DLC1: variants seen among roughly 807,000 people sequenced by gnomAD.
DLC1 encodes DLC1 Rho GTPase activating protein.
A neutral mutation model predicts 140.3 loss-of-function variants in DLC1; 54 were observed. The ratio of observed to expected loss-of-function variants is 0.38; its 90% CI spans 0.31 to 0.48. The LOEUF (loss-of-function observed/expected upper bound fraction) is 0.48, where lower values mean the gene tolerates loss of function less well. DLC1 is among the 20% of genes least tolerant of loss of function. The probability of loss-of-function intolerance (pLI) is 0.96; values close to 1 mark genes in which losing one functional copy is unlikely to be tolerated. For synonymous variants in DLC1, 986 were observed against 728.1 expected (o/e 1.35, Z -5.70); for missense variants, 2,536 against 1,907.0 (o/e 1.33, Z -6.14).
intron 5 of DLC1, among the ~76,000 whole-genome samples, chr8:13,202,199 C>T (rs1827427295): frequency 6.6e-6 from 1 of 152,080 alleles, no homozygotes; most frequent in African/African-American, 2.4e-5. Context: ...CGGCCTCGGC[C>T]TCCTAAAGTG....
chr8:13,579,761 AC>A (rs1563454525), intron 1 of DLC1, among the ~76,000 whole-genome samples: 1 of 151,116 alleles, frequency 6.6e-6, no homozygotes, highest in Non-Finnish European at 1.5e-5. Flanking sequence ...AGCAGCAAAA[AC>A]ATTTTGTAGT....
At chr8:13,584,466 T>C (rs1805232277) in intron 1 of DLC1, 1 of 152,288 alleles carries the variant, frequency 6.6e-6, no homozygotes, top group African/African-American at 2.4e-5. Flanking sequence ...GAAAAAGTTA[T>C]ACTGACCACA....
At chr8:13,214,544 GC>G in intron 5 of DLC1, 1 of 693,458 alleles carries the variant, frequency 1.4e-6, no homozygotes, top group Non-Finnish European at 2.6e-6. Flanking sequence ...CTGTCCCCCG[GC>G]CCCAACCCCA....
At chr8:13,420,851 C>A (rs547940586) in intron 2 of DLC1, among the ~76,000 whole-genome samples, 1 of 152,184 alleles carries the variant, frequency 6.6e-6, no homozygotes, top group East Asian at 1.9e-4. Flanking sequence ...TACAGACTAA[C>A]CTGCTTAATT....
chr8:13,588,886 T>C (rs1805422322), intron 1 of DLC1, among the ~76,000 whole-genome samples: 1 of 152,032 alleles, frequency 6.6e-6, no homozygotes, highest in Non-Finnish European at 1.5e-5. Flanking sequence ...AGTTTTGGGA[T>C]AAGTGAGGAG....
At chr8:13,595,411 A>G (rs1425407533) in intron 1 of DLC1, among the ~76,000 whole-genome samples, 2 of 152,086 alleles carry the variant, frequency 1.3e-5, no homozygotes, top group African/African-American at 2.4e-5. Flanking sequence ...CAGAAATTGT[A>G]TATCTTTTAG....
At chr8:13,594,973 T>C (rs553473168) in intron 1 of DLC1, among the ~76,000 whole-genome samples, 2 of 152,094 alleles carry the variant, frequency 1.3e-5, no homozygotes, top group Non-Finnish European at 2.9e-5. Context: ...TCCTATTTTC[T>C]TGTGAATTTC....
rs1468611512 is a variant in DLC1, at chr8:13,133,320, C to T, written c.1349-17663G>A. 5.0e-6 allele frequency: 6 copies of T among 1,189,708 alleles called. No individual in the cohort carries two copies. In the East Asian group the frequency reaches 2.8e-4, roughly 55 times the overall value. The allele number at this position is 1,189,708 out of a possible 1,614,324, so 73.7% of individuals were successfully genotyped here. A position where few individuals can be genotyped will look rare whatever the true frequency, so the allele number is the denominator to read the frequency against. The stretch of plus-strand genomic sequence containing the variant: ...CCGCGCGCTCCGCCAGCCGGGCCCT[C>T]CCGCTGGGCCCACCCCCCGAGGGGC... On this transcript the variant is annotated intron_variant, in intron 5 of 17. Transcript: ENST00000276297.
chr8:13,534,498 G>A (rs1435288096), intron 1 of DLC1, among the ~76,000 whole-genome samples: 1 of 152,184 alleles, frequency 6.6e-6, no homozygotes, highest in East Asian at 1.9e-4. Flanking sequence ...AGCGTGGTGT[G>A]TGTGTCCTGC....
chr8:13,308,717 A>G (rs929755765), intron 4 of DLC1, among the ~76,000 whole-genome samples: 16 of 152,208 alleles, frequency 1.1e-4, no homozygotes, highest in African/African-American at 3.9e-4. Context: ...CTGAACACGA[A>G]TGATTAGTCA....
chr8:13,477,614 C>G (rs552978216), intron 2 of DLC1, among the ~76,000 whole-genome samples: 1 of 152,148 alleles, frequency 6.6e-6, no homozygotes, highest in Non-Finnish European at 1.5e-5. Context: ...AAGATTAAAT[C>G]TGATTAGACT....
At chr8:13,264,860 A>G (rs1830618870) in intron 5 of DLC1, among the ~76,000 whole-genome samples, 2 of 152,248 alleles carry the variant, frequency 1.3e-5, no homozygotes, top group Non-Finnish European at 2.9e-5. Flanking sequence ...GAAAACAGCA[A>G]CTTAAGCCAC....
chr8:13,324,485 G>A (rs1412560463), intron 4 of DLC1, among the ~76,000 whole-genome samples: 3 of 143,954 alleles, frequency 2.1e-5, no homozygotes, highest in South Asian at 4.4e-4. Flanking sequence ...GGAGAATGGC[G>A]TGAACCTGGG....
chr8:13,306,642 A>G (rs1208555747), intron 4 of DLC1, among the ~76,000 whole-genome samples: 1 of 151,958 alleles, frequency 6.6e-6, no homozygotes, highest in Non-Finnish European at 1.5e-5. Context: ...CCAAGAAAAG[A>G]GCATCAATCT....
At chr8:13,429,097 T>C (rs1200269010) in intron 2 of DLC1, among the ~76,000 whole-genome samples, 1 of 152,170 alleles carries the variant, frequency 6.6e-6, no homozygotes, top group African/African-American at 2.4e-5. Flanking sequence ...GACCTAGAAA[T>C]ACAATTATAA....
rs184615076 is a variant in DLC1 at position 13,363,311 on chromosome 8, A to G, written c.1314+30242T>C. ...TGTTTCTGCACTGTGTTCTCAGAGCATGCATATTGTGGAGACTTAGTATAT... is the reference window on the plus strand; with the variant it reads ...TGTTTCTGCACTGTGTTCTCAGAGCGTGCATATTGTGGAGACTTAGTATAT... On this transcript the variant is annotated intron_variant, in intron 4 of 17. Coordinates refer to ENST00000276297, the MANE Select transcript of DLC1 (RefSeq NM_182643.3). Among the ~76,000 whole-genome samples, 489 of 150,680 alleles carry G rather than the reference A, an allele frequency of 3.2e-3. 3 individuals carry two copies. Among genetic ancestry groups the G allele is most frequent in the African/African-American group, 0.011 (473 of 41,156 alleles).
At chr8:13,200,379 A>T (rs935071711) in intron 5 of DLC1, among the ~76,000 whole-genome samples, 7 of 152,204 alleles carry the variant, frequency 4.6e-5, no homozygotes, top group East Asian at 3.9e-4. Flanking sequence ...TACTATTATT[A>T]TTCTTATTTT....
chr8:13,448,957 T>C (rs938828142), intron 2 of DLC1, among the ~76,000 whole-genome samples: 3 of 152,204 alleles, frequency 2.0e-5, no homozygotes, highest in Non-Finnish European at 4.4e-5. Context: ...TTTCCCGCTA[T>C]GGGTTTTTTT....
chr8:13,378,333 G>A (rs1018308196), intron 4 of DLC1, among the ~76,000 whole-genome samples: 9 of 151,434 alleles, frequency 5.9e-5, no homozygotes, highest in East Asian at 2.0e-4. Flanking sequence ...TTATCTAAAT[G>A]CGATAGAATT....
Sources: allele counts gnomAD v4.1 joint callset (sites outside exome capture counted in the v4.1 genomes callset), GRCh38; gene constraint gnomAD v4.1.1; transcripts MANE v1.5; gene names NCBI Gene and HGNC (gene_info 2026-07-23, HGNC 2026-07-21).